Variants in TLN2 observed in about 807,000 individuals in gnomAD.
TLN2 encodes the protein talin-2.
Under a neutral mutation model 294.7 loss-of-function variants are expected in TLN2, and 118 were observed. The observed-to-expected ratio is 0.40, with a 90% confidence interval of 0.34 to 0.47. The LOEUF is 0.47. Among genes scored for constraint, TLN2 ranks in the 20% least tolerant of loss-of-function variants. The pLI, the probability that TLN2 is intolerant of heterozygous loss-of-function variation, is 0.84. For synonymous variants in TLN2, 1,431 were observed against 1,304.5 expected (o/e 1.10, Z -2.09); for missense variants, 3,083 against 3,282.2 (o/e 0.94, Z 1.48).
intron 26 of TLN2, among the ~76,000 whole-genome samples, chr15:62,722,965 C>T (rs772206277): frequency 1.6e-4 from 24 of 152,124 alleles, no homozygotes; most frequent in South Asian, 2.1e-4. Flanking sequence ...TCACTTATTG[C>T]GTGGGAGCAT....
At chr15:62,591,598 G>C (rs1188135204) in intron 2 of TLN2, among the ~76,000 whole-genome samples, 1 of 152,234 alleles carries the variant, frequency 6.6e-6, no homozygotes, top group South Asian at 2.1e-4. Flanking sequence ...GTAACCTGAT[G>C]GAAGTGTACA....
chr15:62,391,116 C>T (rs1260646759), intron 1 of TLN2, among the ~76,000 whole-genome samples: 2 of 152,234 alleles, frequency 1.3e-5, no homozygotes, highest in Non-Finnish European at 2.9e-5. Context: ...GCCGGGCCCC[C>T]GCGCCAGAAG....
At chr15:62,393,455 G>A (rs1310043917) in intron 1 of TLN2, among the ~76,000 whole-genome samples, 1 of 152,262 alleles carries the variant, frequency 6.6e-6, no homozygotes, top group Middle Eastern at 3.4e-3. Context: ...TTTAGGAAGA[G>A]GTGAGTATGT....
At chr15:62,506,096 C>T (rs1243804309) in intron 1 of TLN2, among the ~76,000 whole-genome samples, 1 of 152,326 alleles carries the variant, frequency 6.6e-6, no homozygotes, top group East Asian at 1.9e-4. Context: ...AGCCTATATT[C>T]TGGGAGTACA....
intron 9 of TLN2, among the ~76,000 whole-genome samples, chr15:62,660,591 C>G (rs928274578): frequency 1.3e-5 from 2 of 152,146 alleles, no homozygotes; most frequent in Non-Finnish European, 2.9e-5. Context: ...AACACATAAT[C>G]TAGTAATCAG....
At chr15:62,795,525 CG>C (rs1161783364) in intron 46 of TLN2, among the ~76,000 whole-genome samples, 1 of 151,972 alleles carries the variant, frequency 6.6e-6, no homozygotes, top group African/African-American at 2.4e-5. Context: ...AATGATGGTT[CG>C]GGGGTGGATG....
At chr15:62,614,803 T>G (rs2048182788) in intron 2 of TLN2, among the ~76,000 whole-genome samples, 1 of 152,188 alleles carries the variant, frequency 6.6e-6, no homozygotes, top group Admixed American at 6.5e-5. Context: ...CTGTCCCAAT[T>G]CACTCCTGTG....
chr15:62,598,034 C>T lies in TLN2; in HGVS notation c.-162+8272C>T, dbSNP rs1379322578. ...GTATTGGAGAATCACCCCAGGCTGT[C>T]GTGTGTTGGATGGGGCAGTGGCCTG... On this transcript the variant is annotated intron_variant, in intron 2 of 58. Transcript: ENST00000636159. Among the ~76,000 whole-genome samples the T allele has an allele frequency of 2.6e-5, 4 of 152,226 alleles. No individual in the cohort carries two copies. In the East Asian group the frequency reaches 7.7e-4, roughly 29 times the overall value.
intron 1 of TLN2, among the ~76,000 whole-genome samples, chr15:62,470,307 G>T (rs148311462): frequency 1.4e-3 from 212 of 152,348 alleles, no homozygotes; most frequent in African/African-American, 4.8e-3. Context: ...CAACCGACCC[G>T]GGCTCCTCAG....
chr15:62,783,990 C>T (rs755257425), intron 45 of TLN2, 100 bp downstream of exon 45: 1 of 1,566,508 alleles, frequency 6.4e-7, no homozygotes, highest in Non-Finnish European at 8.7e-7. Context: ...AAGACCCCAG[C>T]CCAGTAACCA....
chr15:62,657,558 T>C (rs1274709318), intron 8 of TLN2, among the ~76,000 whole-genome samples: 1 of 152,206 alleles, frequency 6.6e-6, no homozygotes, highest in East Asian at 1.9e-4. Context: ...ATGTTTTCCA[T>C]CTACAGGCCA....
intron 11 of TLN2, among the ~76,000 whole-genome samples, chr15:62,676,293 A>G (rs2141013383): frequency 6.6e-6 from 1 of 152,310 alleles, no homozygotes; most frequent in African/African-American, 2.4e-5. Context: ...AGAAAGCCAT[A>G]TACTGCATGC....
intron 1 of TLN2, among the ~76,000 whole-genome samples, chr15:62,442,579 T>G (rs561510176): frequency 1.3e-5 from 2 of 151,356 alleles, no homozygotes; most frequent in African/African-American, 2.4e-5. Flanking sequence ...GGTTGCTGTG[T>G]GAGGTTGCTG....
intron 51 of TLN2, among the ~76,000 whole-genome samples, chr15:62,808,634 C>G (rs759786570): frequency 9.2e-5 from 14 of 152,198 alleles, no homozygotes; most frequent in Non-Finnish European, 4.4e-5. Context: ...TGCACATAAC[C>G]TGCTGGAAGT....
rs180852668 is a variant in TLN2 at position 62,715,208 on chromosome 15, A to G, written c.2635-1123A>G. Among the ~76,000 whole-genome samples the G allele has an allele frequency of 2.0e-4, 31 of 152,360 alleles. 1 individual carries two copies. In the East Asian group the frequency reaches 6.0e-3, roughly 29 times the overall value. Reference sequence around the variant, plus strand: ...TCCTGTATGCATTGCTATAACTTTTATAAATAGCTCAAAGAAATAGGTTCT... The same window carrying G: ...TCCTGTATGCATTGCTATAACTTTTGTAAATAGCTCAAAGAAATAGGTTCT... On this transcript the variant is annotated intron_variant, in intron 22 of 58. Transcript: ENST00000636159.
At chr15:62,734,067 C>T (rs1457889151) in intron 28 of TLN2, 1 of 152,118 alleles carries the variant, frequency 6.6e-6, no homozygotes, top group Non-Finnish European at 1.5e-5. Context: ...TCAAGAAGAT[C>T]CTTGATGTGC....
rs1049284012 is a variant in TLN2 at position 62,766,378 on chromosome 15, A to G, written c.5152A>G (p.Ile1718Val). ...VQEIGHLIDP[I>V]ATAARGEAAQ... The stretch of plus-strand genomic sequence containing the variant: ...GGAAATCGGACACCTTATCGATCCC[A>G]TCGCCACAGCGGCTCGGGGAGAAGC... The change falls in exon 41 of 59, where the codon ATC (isoleucine) becomes GTC (valine). Residue 1718 changes from isoleucine (I) to valine (V), a missense_variant. Physicochemically the swap from Ile to Val is conservative, Grantham distance 29. Transcript: ENST00000636159. 2 of 1,612,932 alleles carry G rather than the reference A, an allele frequency of 1.2e-6. No homozygotes were observed. Among genetic ancestry groups the G allele is most frequent in the African/African-American group, 2.7e-5 (2 of 74,918 alleles).
In TLN2 at chr15:62,650,063, T is replaced by C. The variant is rs201729730; in HGVS notation, c.137-21T>C. 21 of 1,613,388 alleles carry C rather than the reference T, an allele frequency of 1.3e-5. No homozygotes were observed. The East Asian group carries it at 4.5e-4, about 34-fold the overall frequency. The stretch of plus-strand genomic sequence containing the variant: ...TTCATCACCACTTTGCCTTCTGTTT[T>C]TCTTCCCATTTATATTTCAGCTTCT... On this transcript the variant is annotated intron_variant, in intron 4 of 58. Transcript: ENST00000636159.
intron 1 of TLN2, among the ~76,000 whole-genome samples, chr15:62,548,422 A>G (rs1226949680): frequency 3.3e-5 from 5 of 152,242 alleles, no homozygotes; most frequent in South Asian, 2.1e-4. Context: ...GGCTTAAACA[A>G]TAAAGACAAT....
Sources: allele counts gnomAD v4.1 joint callset (sites outside exome capture counted in the v4.1 genomes callset), GRCh38; gene constraint gnomAD v4.1.1; transcripts MANE v1.5; gene names NCBI Gene and HGNC (gene_info 2026-07-23, HGNC 2026-07-21).